Variants in TCF7L2 observed in about 807,000 individuals in gnomAD.
TCF7L2 encodes transcription factor 7 like 2, also known as transcription factor 7-like 2.
In TCF7L2, 23 loss-of-function variants were observed where a neutral mutation model predicts 77.9. That is an observed-to-expected ratio of 0.30 (90% CI 0.21 to 0.42). The LOEUF is 0.42. Ranked by LOEUF, TCF7L2 falls within the 10% of genes least tolerant of loss-of-function variation. TCF7L2 has a pLI of 1.00. For synonymous variants in TCF7L2, 413 were observed against 340.2 expected (o/e 1.21, Z -2.36); for missense variants, 654 against 793.1 (o/e 0.82, Z 2.11).
chr10:113,129,408 C>A, intron 5 of TCF7L2: 1 of 999,174 alleles, frequency 1.0e-6, no homozygotes, highest in Non-Finnish European at 1.2e-6. Context: ...CTGAGGTGCC[C>A]TGAGCTGGCT....
chr10:113,163,775 T>G (rs768854637), intron 13 of TCF7L2, among the ~76,000 whole-genome samples: 6 of 152,046 alleles, frequency 3.9e-5, no homozygotes, highest in Non-Finnish European at 7.4e-5. Context: ...CTAGCCCCCA[T>G]GAATCTCAGC....
intron 4 of TCF7L2, chr10:112,987,492 A>C (rs1360156598): frequency 6.6e-6 from 1 of 151,410 alleles, no homozygotes; most frequent in Admixed American, 6.6e-5. Context: ...GTGTATGTGA[A>C]TGTCCTGGCG....
chr10:112,983,265 A>T (rs1020677726), intron 4 of TCF7L2, among the ~76,000 whole-genome samples: 1 of 151,672 alleles, frequency 6.6e-6, no homozygotes, highest in African/African-American at 2.4e-5. Context: ...AGGTCAGGAG[A>T]TCGAAACCAT....
chr10:112,995,093 CTG>C (rs2133201977), intron 4 of TCF7L2, among the ~76,000 whole-genome samples: 1 of 152,314 alleles, frequency 6.6e-6, no homozygotes, highest in East Asian at 1.9e-4. Context: ...AAGAGCGAAA[CTG>C]TGTCTCAAAA....
rs75098501 is a variant in TCF7L2, at chr10:113,108,819, A to G, written c.553-32365A>G. On this transcript the variant is annotated intron_variant, in intron 5 of 13. Coordinates refer to ENST00000627217, the MANE Select transcript of TCF7L2 (RefSeq NM_001146274.2). ...GTTAAAAAGCATTTGTTCAAAAATC[A>G]CTTCTTCCACTTTAGGAATAACATA... Among the ~76,000 whole-genome samples, 308 of 152,320 alleles carry G rather than the reference A, an allele frequency of 2.0e-3. 6 individuals are homozygous for G. The East Asian group carries it at 0.056, about 28-fold the overall frequency.
At chr10:113,127,281 A>G (rs1382589873) in intron 5 of TCF7L2, among the ~76,000 whole-genome samples, 74 of 150,216 alleles carry the variant, frequency 4.9e-4, no homozygotes, top group East Asian at 9.8e-4. Context: ...TAAAGACACC[A>G]ATGCTCCACC....
chr10:112,997,221 A>G (rs1384628354), intron 4 of TCF7L2, among the ~76,000 whole-genome samples: 1 of 152,242 alleles, frequency 6.6e-6, no homozygotes, highest in Admixed American at 6.5e-5. Context: ...ATGTTTCTCA[A>G]CTTGGAGCCA....
chr10:113,038,661 C>G (rs2051829956), intron 4 of TCF7L2, among the ~76,000 whole-genome samples: 1 of 152,136 alleles, frequency 6.6e-6, no homozygotes. Flanking sequence ...AGACCTAACT[C>G]TGTGCAGCCT....
chr10:113,002,315 T>G (rs546180221), intron 4 of TCF7L2, among the ~76,000 whole-genome samples: 2 of 152,284 alleles, frequency 1.3e-5, no homozygotes, highest in Admixed American at 1.3e-4. Flanking sequence ...GCAAGTTGTT[T>G]AGGTCGGCGG....
rs114802565 is a variant in TCF7L2, at chr10:113,054,000, G to A, written c.552+13874G>A. Among the ~76,000 whole-genome samples the A allele has an allele frequency of 2.8e-3, 431 of 151,792 alleles. 1 individual carries two copies. Among genetic ancestry groups the A allele is most frequent in the African/African-American group, 9.8e-3 (404 of 41,084 alleles). The stretch of plus-strand genomic sequence containing the variant: ...GCCTTAATCAGGCACACATACAGGC[G>A]GGGAGAGGCAGGTTTCCGGACACCA... On this transcript the variant is annotated intron_variant, in intron 5 of 13. Transcript: ENST00000627217.
chr10:113,148,977 C>T (rs1490432564), intron 8 of TCF7L2, among the ~76,000 whole-genome samples: 1 of 152,202 alleles, frequency 6.6e-6, no homozygotes, highest in Non-Finnish European at 1.5e-5. Flanking sequence ...CACACTCACA[C>T]ATGCAGTGTT....
intron 5 of TCF7L2, among the ~76,000 whole-genome samples, chr10:113,055,259 T>C (rs2055185283): frequency 6.6e-6 from 1 of 152,256 alleles, no homozygotes; most frequent in Non-Finnish European, 1.5e-5. Flanking sequence ...ATATAAACTC[T>C]TTCCTCATAA....
intron 13 of TCF7L2, among the ~76,000 whole-genome samples, chr10:113,161,985 C>G (rs956681129): frequency 1.3e-5 from 2 of 152,214 alleles, no homozygotes; most frequent in Admixed American, 6.5e-5. Flanking sequence ...ACAGATGTCC[C>G]TTTGACACAG....
At chr10:113,126,984 T>G (rs78353109) in intron 5 of TCF7L2, 77 of 938,856 alleles carry the variant, frequency 8.2e-5, no homozygotes, top group Non-Finnish European at 9.4e-5. Context: ...CCAGTCCGCA[T>G]GCATGCTCTC....
chr10:112,987,667 C>A (rs1007111064), intron 4 of TCF7L2: 1 of 151,890 alleles, frequency 6.6e-6, no homozygotes, highest in African/African-American at 2.4e-5. Context: ...TTGTGATGAA[C>A]CTCACAGGCA....
At chr10:112,988,877 T>C (rs559825872) in intron 4 of TCF7L2, among the ~76,000 whole-genome samples, 6 of 152,188 alleles carry the variant, frequency 3.9e-5, no homozygotes, top group Non-Finnish European at 8.8e-5. Context: ...TATTGCAACA[T>C]AACACTCACA....
chr10:113,013,929 T>G (rs536475391), intron 4 of TCF7L2, among the ~76,000 whole-genome samples: 2 of 152,352 alleles, frequency 1.3e-5, no homozygotes, highest in South Asian at 4.1e-4. Context: ...AACTTATTTT[T>G]TAAAGCTAGC....
intron 5 of TCF7L2, among the ~76,000 whole-genome samples, chr10:113,102,447 C>T (rs1335726595): frequency 6.8e-6 from 1 of 146,552 alleles, no homozygotes; most frequent in Non-Finnish European, 1.5e-5. Context: ...TTTTTTGAGA[C>T]AGAGTCTCGC....
intron 3 of TCF7L2, among the ~76,000 whole-genome samples, chr10:112,960,547 A>G (rs1343971630): frequency 2.0e-5 from 3 of 152,142 alleles, no homozygotes; most frequent in African/African-American, 7.2e-5. Flanking sequence ...TACTCCAGGC[A>G]GGGAAGTGCC....
Sources: allele counts gnomAD v4.1 joint callset (sites outside exome capture counted in the v4.1 genomes callset), GRCh38; gene constraint gnomAD v4.1.1; transcripts MANE v1.5; gene names NCBI Gene and HGNC (gene_info 2026-07-23, HGNC 2026-07-21).